The following CHRM3 variants were observed in gnomAD, a reference collection of about 807,000 sequenced individuals.
CHRM3 encodes the protein muscarinic acetylcholine receptor M3.
Under a neutral mutation model 41.8 loss-of-function variants are expected in CHRM3, and 11 were observed. The observed-to-expected ratio is 0.26, with a 90% CI of 0.17 to 0.44. The LOEUF (loss-of-function observed/expected upper bound fraction) is 0.44, where lower values mean the gene tolerates loss of function less well. CHRM3 is among the 20% of genes least tolerant of loss of function. The pLI, the probability that CHRM3 is intolerant of heterozygous loss-of-function variation, is 1.00. For missense variants in CHRM3, 571 were observed against 745.4 expected, an observed-to-expected ratio of 0.77 and a Z score of 2.72; for synonymous variants, 297 against 301.4, an observed-to-expected ratio of 0.99 and a Z score of 0.15.
At chr1:239,904,278 G>A (rs1489745543) in intron 6 of CHRM3, among the ~76,000 whole-genome samples, 3 of 152,112 alleles carry the variant, frequency 2.0e-5, no homozygotes, top group Non-Finnish European at 4.4e-5. Context: ...AAACCAAACT[G>A]GATGAATAAA....
At chr1:239,835,582 T>C (rs1429330554) in intron 6 of CHRM3, among the ~76,000 whole-genome samples, 1 of 152,236 alleles carries the variant, frequency 6.6e-6, no homozygotes, top group Non-Finnish European at 1.5e-5. Context: ...TTTTCGACCG[T>C]CAAAGCCTTT....
intron 2 of CHRM3, among the ~76,000 whole-genome samples, chr1:239,499,839 C>T (rs1456489248): frequency 6.6e-6 from 1 of 152,162 alleles, no homozygotes; most frequent in Non-Finnish European, 1.5e-5. Context: ...TCAGCCTCCT[C>T]AAACAAAACA....
chr1:239,737,778 C>T (rs1664508899), intron 5 of CHRM3, among the ~76,000 whole-genome samples: 1 of 152,070 alleles, frequency 6.6e-6, no homozygotes, highest in Admixed American at 6.6e-5. Context: ...CGTAAGACAT[C>T]CTGCCTAGGA....
intron 3 of CHRM3, among the ~76,000 whole-genome samples, chr1:239,628,517 T>G (rs1669286001): frequency 1.5e-5 from 1 of 64,524 alleles, no homozygotes; most frequent in Non-Finnish European, 2.6e-5. Context: ...AAAATCATTC[T>G]CCATCCAGCT....
intron 5 of CHRM3, among the ~76,000 whole-genome samples, chr1:239,791,360 C>A (rs1044934179): frequency 6.6e-6 from 1 of 152,176 alleles, no homozygotes; most frequent in Non-Finnish European, 1.5e-5. Context: ...CCTTCTTGGC[C>A]TCCCAAAGTC....
intron 3 of CHRM3, among the ~76,000 whole-genome samples, chr1:239,552,535 C>T (rs1659966000): frequency 6.8e-6 from 1 of 146,174 alleles, no homozygotes; most frequent in African/African-American, 2.5e-5. Context: ...ACGATAAGCT[C>T]ACTGCAGCCT....
intron 5 of CHRM3, among the ~76,000 whole-genome samples, chr1:239,795,070 G>A (rs1020614988): frequency 1.3e-5 from 2 of 152,128 alleles, no homozygotes; most frequent in African/African-American, 4.8e-5. Flanking sequence ...TTATTCTTAA[G>A]AGGACAGAAT....
chr1:239,619,366 A>T (rs1489496241), intron 3 of CHRM3, among the ~76,000 whole-genome samples: 17 of 152,316 alleles, frequency 1.1e-4, no homozygotes, highest in Non-Finnish European at 4.4e-5. Context: ...CCCTGGATGG[A>T]GACTTCCTGC....
At chr1:239,888,077 C>T (rs1017851643) in intron 6 of CHRM3, among the ~76,000 whole-genome samples, 2 of 152,188 alleles carry the variant, frequency 1.3e-5, no homozygotes, top group Non-Finnish European at 2.9e-5. Context: ...TAAATGCATT[C>T]TGACACCAAC....
intron 3 of CHRM3, among the ~76,000 whole-genome samples, chr1:239,584,667 G>A (rs1411984761): frequency 7.2e-5 from 11 of 152,078 alleles, no homozygotes; most frequent in Non-Finnish European, 1.0e-4. Flanking sequence ...TAAAATGCTG[G>A]GTAGAGGATT....
chr1:239,534,560 A>G (rs1431382885), intron 2 of CHRM3, among the ~76,000 whole-genome samples: 1 of 152,204 alleles, frequency 6.6e-6, no homozygotes, highest in Non-Finnish European at 1.5e-5. Context: ...GTTTTCAAAA[A>G]TTATTAAATC....
intron 3 of CHRM3, among the ~76,000 whole-genome samples, chr1:239,557,522 G>GT (rs1163522372): frequency 6.6e-6 from 1 of 152,106 alleles, no homozygotes; most frequent in Non-Finnish European, 1.5e-5. Flanking sequence ...GGATGTGCAG[G>GT]TTTGTGTTAC....
At chr1:239,458,019 A>G (rs182043915) in intron 1 of CHRM3, among the ~76,000 whole-genome samples, 3 of 152,180 alleles carry the variant, frequency 2.0e-5, no homozygotes, top group Admixed American at 2.0e-4. Flanking sequence ...GTTGTTCAGG[A>G]AAGTACGTGC....
At chr1:239,623,508 T>TTA (rs1558389464) in intron 3 of CHRM3, among the ~76,000 whole-genome samples, 1 of 145,690 alleles carries the variant, frequency 6.9e-6, no homozygotes, top group African/African-American at 2.6e-5. Flanking sequence ...ATTTTTTTTT[T>TTA]TTATTATACT....
intron 5 of CHRM3, among the ~76,000 whole-genome samples, chr1:239,717,945 TC>T (rs1466058931): frequency 2.0e-5 from 3 of 152,082 alleles, no homozygotes; most frequent in Admixed American, 2.0e-4. Context: ...AGCTGAGTTT[TC>T]TATTTGTCTA....
intron 4 of CHRM3, among the ~76,000 whole-genome samples, chr1:239,638,327 G>T (rs1320495670): frequency 6.6e-6 from 1 of 151,858 alleles, no homozygotes. Flanking sequence ...ACATCCCTGA[G>T]GAATCGCCAC....
chr1:239,751,503 G>A (rs570580554), intron 5 of CHRM3, among the ~76,000 whole-genome samples: 3 of 152,216 alleles, frequency 2.0e-5, no homozygotes. Flanking sequence ...GACTTATACT[G>A]ATAAGAACAA....
chr1:239,548,216 G>A (rs534476072), intron 3 of CHRM3, among the ~76,000 whole-genome samples: 1 of 152,150 alleles, frequency 6.6e-6, no homozygotes, highest in Non-Finnish European at 1.5e-5. Context: ...TTGTTCCCAA[G>A]GTGGAAAGTA....
chr1:239,838,099 C>T (rs1473904718), intron 6 of CHRM3, among the ~76,000 whole-genome samples: 1 of 152,090 alleles, frequency 6.6e-6, no homozygotes, highest in African/African-American at 2.4e-5. Context: ...AAGGCCAGGA[C>T]ATGTAAAAAT....
Sources: gnomAD v4.1 joint callset for allele counts (sites outside exome capture counted in the v4.1 genomes callset) on GRCh38, gnomAD v4.1.1 for gene constraint, MANE v1.5 for transcripts, NCBI Gene and HGNC (gene_info 2026-07-23, HGNC 2026-07-21) for gene names.